GUCY1B1: variants seen among roughly 807,000 people sequenced by gnomAD.
GUCY1B1 encodes guanylate cyclase soluble subunit beta-1.
Under a neutral mutation model 71.0 loss-of-function variants are expected in GUCY1B1, and 43 were observed. The observed-to-expected ratio is 0.61, with a 90% CI of 0.47 to 0.78. The LOEUF is 0.78. GUCY1B1 is among the 30% of genes least tolerant of loss of function. The pLI is 0.00. For synonymous variants in GUCY1B1, 266 were observed against 259.7 expected, an observed-to-expected ratio of 1.02 and a Z score of -0.23; for missense variants, 535 against 754.1, an observed-to-expected ratio of 0.71 and a Z score of 3.40.
At chr4:155,796,638 T>A (rs1446891044) in intron 8 of GUCY1B1, 128 bp downstream of exon 8, 1 of 629,636 alleles carries the variant, frequency 1.6e-6, no homozygotes. Context: ...ACAGCCCTTG[T>A]TGTGTATTAC....
chr4:155,793,722 G>C (rs1739339387), intron 5 of GUCY1B1, 134 bp from the exon 6 acceptor site: 1 of 584,012 alleles, frequency 1.7e-6, no homozygotes, highest in Non-Finnish European at 3.1e-6. Context: ...GACATATGGA[G>C]TATTTGCATA....
At chr4:155,762,465 T>C (rs1334396394) in intron 2 of GUCY1B1, among the ~76,000 whole-genome samples, 1 of 152,130 alleles carries the variant, frequency 6.6e-6, no homozygotes, top group Non-Finnish European at 1.5e-5. Context: ...CCATCCTTCA[T>C]GAGAAAGGAT....
At chr4:155,784,704 A>G (rs892609461) in intron 4 of GUCY1B1, among the ~76,000 whole-genome samples, 3 of 152,162 alleles carry the variant, frequency 2.0e-5, no homozygotes, top group Non-Finnish European at 4.4e-5. Context: ...GGATTCTTGG[A>G]TACTGAAAAT....
intron 2 of GUCY1B1, among the ~76,000 whole-genome samples, chr4:155,761,737 TA>T: frequency 6.6e-6 from 1 of 152,374 alleles, no homozygotes; most frequent in South Asian, 2.1e-4. Flanking sequence ...CATTCTACTT[TA>T]AAAAATTATT....
chr4:155,803,796 G>A (rs1297186202), intron 11 of GUCY1B1, 32 bp downstream of exon 11: 4 of 1,430,572 alleles, frequency 2.8e-6, no homozygotes, highest in African/African-American at 2.9e-5. Context: ...TGTAATAATG[G>A]TATGTAAACC....
chr4:155,771,339 A>G (rs564380130), intron 2 of GUCY1B1, among the ~76,000 whole-genome samples: 1 of 152,352 alleles, frequency 6.6e-6, no homozygotes, highest in African/African-American at 2.4e-5. Context: ...GAGAAAGGAA[A>G]GGACCAATGC....
chr4:155,792,381 A>C lies in GUCY1B1; in HGVS notation c.496-1475A>C, dbSNP rs182539167. ...TCTAGTTAAATAGAAACAGAGTAGA[A>C]CATCAAAAGTAGGCCTGTCATTTAA... On this transcript the variant is annotated intron_variant, in intron 5 of 13. Transcript: ENST00000264424. Among the ~76,000 whole-genome samples, 260 of 152,310 alleles carry C rather than the reference A, an allele frequency of 1.7e-3. 3 individuals are homozygous for C. The highest frequency in any genetic ancestry group is 5.7e-4 in the Non-Finnish European group (39 of 68,014).
At chr4:155,785,086 G>A (rs1738674453) in intron 4 of GUCY1B1, among the ~76,000 whole-genome samples, 1 of 152,098 alleles carries the variant, frequency 6.6e-6, no homozygotes, top group African/African-American at 2.4e-5. Flanking sequence ...CTGACAGGGA[G>A]CAGAATTCCT....
intron 7 of GUCY1B1, 117 bp from the exon 8 acceptor site, chr4:155,796,260 A>G (rs1409735044): frequency 3.2e-6 from 3 of 923,510 alleles, no homozygotes; most frequent in Admixed American, 4.3e-5. Context: ...TCCTGTTCTA[A>G]TGATGCACTT....
intron 2 of GUCY1B1, among the ~76,000 whole-genome samples, chr4:155,763,064 A>G (rs1293041336): frequency 6.6e-6 from 1 of 152,210 alleles, no homozygotes; most frequent in African/African-American, 2.4e-5. Context: ...TAAAGTTAGG[A>G]GTGATACATC....
At position 155,795,324 on chromosome 4, in the gene GUCY1B1, CTCTA is replaced by C; in HGVS notation, c.727-11_727-8del. On this transcript the variant is annotated splice_polypyrimidine_tract_variant and intron_variant, in intron 6 of 13. Transcript: ENST00000264424. Reference sequence around the variant, plus strand: ...TTTAACTGATGTGATACTCTTTGCTCTCTATCTATATTTTAGCTCCAGCCTGGGA... The same window carrying C: ...TTTAACTGATGTGATACTCTTTGCTCTCTATATTTTAGCTCCAGCCTGGGA... 1 of 1,330,608 alleles carries C rather than the reference CTCTA, an allele frequency of 7.5e-7. No individual in the cohort carries two copies. Among genetic ancestry groups the C allele is most frequent in the Non-Finnish European group, 1.1e-6 (1 of 925,608 alleles). The allele number at this position is 1,330,608 out of a possible 1,614,324, so 82.4% of individuals were successfully genotyped here.
In GUCY1B1 at chr4:155,793,868, A is replaced by G. The variant is rs1385046270; in HGVS notation, c.508A>G (p.Arg170Gly). Residue 170 changes from arginine (R) to glycine (G), a missense_variant, in exon 6 of 14, where the codon AGA becomes GGA. Transcript: ENST00000264424. Reference sequence around the variant, plus strand: ...CTTTGATATCCAGGTTATTCAGCAAAGAAATGAAGAATGTGATCATACTCA... The same window carrying G: ...CTTTGATATCCAGGTTATTCAGCAAGGAAATGAAGAATGTGATCATACTCA... ...TEIDMKVIQQ[R>G]NEECDHTQFL... The G allele has an allele frequency of 2.0e-6, 3 of 1,473,664 alleles. No individual in the cohort carries two copies. Among genetic ancestry groups the G allele is most frequent in the Middle Eastern group, 1.7e-4 (1 of 5,794 alleles). 91.3% of individuals were successfully genotyped at this position (1,473,664 alleles called of 1,614,324 possible).
intron 4 of GUCY1B1, among the ~76,000 whole-genome samples, chr4:155,789,052 T>C (rs1277625540): frequency 6.6e-6 from 1 of 152,212 alleles, no homozygotes; most frequent in Non-Finnish European, 1.5e-5. Flanking sequence ...ACAGAAAATA[T>C]TTATTGGCCA....
At chr4:155,800,332 A>G in intron 9 of GUCY1B1, among the ~76,000 whole-genome samples, 1 of 152,358 alleles carries the variant, frequency 6.6e-6, no homozygotes, top group Middle Eastern at 3.4e-3. Context: ...GAAAATCATG[A>G]GAATAACTCA....
intron 13 of GUCY1B1, 24 bp downstream of exon 13, chr4:155,805,253 T>G (rs749289015): frequency 6.9e-6 from 11 of 1,592,808 alleles, no homozygotes; most frequent in Non-Finnish European, 8.6e-6. Flanking sequence ...AAGTGTAATT[T>G]GCGTACTTAA....
chr4:155,796,359 G>A lies in GUCY1B1; in HGVS notation c.844-18G>A. Reference sequence around the variant, plus strand: ...GGGAGAAAGGCATTCATTAATGGTTGTATCTTGCCTTTTCAAGGAAGGATT... The same window carrying A: ...GGGAGAAAGGCATTCATTAATGGTTATATCTTGCCTTTTCAAGGAAGGATT... On this transcript the variant is annotated intron_variant, in intron 7 of 13. Transcript: ENST00000264424. The A allele has an allele frequency of 6.2e-7, 1 of 1,609,544 alleles. No homozygotes were observed. The highest frequency in any genetic ancestry group is 1.1e-5 in the South Asian group (1 of 90,554).
chr4:155,787,759 A>C (rs1177318740), intron 4 of GUCY1B1, among the ~76,000 whole-genome samples: 1 of 152,222 alleles, frequency 6.6e-6, no homozygotes, highest in Admixed American at 6.5e-5. Flanking sequence ...TTAATGCTGT[A>C]AGTGTCCTGT....
At chr4:155,804,176 T>G (rs1020409746) in intron 11 of GUCY1B1, among the ~76,000 whole-genome samples, 3 of 152,212 alleles carry the variant, frequency 2.0e-5, no homozygotes, top group Non-Finnish European at 4.4e-5. Flanking sequence ...ATGCTTGAAA[T>G]TCTTATAGAC....
intron 4 of GUCY1B1, among the ~76,000 whole-genome samples, chr4:155,780,574 C>A (rs1738349850): frequency 6.6e-6 from 1 of 152,142 alleles, no homozygotes; most frequent in African/African-American, 2.4e-5. Context: ...ATGTTTGTAC[C>A]TTCACAGATG....
Sources: gnomAD v4.1 joint callset for allele counts (sites outside exome capture counted in the v4.1 genomes callset) on GRCh38, gnomAD v4.1.1 for gene constraint, MANE v1.5 for transcripts, NCBI Gene and HGNC (gene_info 2026-07-23, HGNC 2026-07-21) for gene names.